The following MMP26 variants were observed in gnomAD, a reference collection of about 807,000 sequenced individuals.
The protein encoded by MMP26 is matrix metalloproteinase-26.
A neutral mutation model predicts 31.0 loss-of-function variants in MMP26; 33 were observed. The observed-to-expected ratio is 1.06, with a 90% CI of 0.81 to 1.42. MMP26 has a LOEUF of 1.42. MMP26 is among the 40% of genes most tolerant of loss of function. MMP26 has a pLI of 0.00. For missense variants in MMP26, 347 were observed against 316.1 expected, an observed-to-expected ratio of 1.10 and a Z score of -0.74; for synonymous variants, 122 against 114.9, an observed-to-expected ratio of 1.06 and a Z score of -0.40.
chr11:4,813,073 A>T (rs532555144), intron 2 of MMP26, among the ~76,000 whole-genome samples: 8 of 151,848 alleles, frequency 5.3e-5, no homozygotes, highest in Non-Finnish European at 4.4e-5. Flanking sequence ...GTACATTTTA[A>T]TCCATTGTTC....
At chr11:4,928,940 T>C (rs765945328) in intron 2 of MMP26, among the ~76,000 whole-genome samples, 1 of 152,154 alleles carries the variant, frequency 6.6e-6, no homozygotes, top group African/African-American at 2.4e-5. Flanking sequence ...AGGATGCAGA[T>C]GTAGCTAACT....
At position 4,768,380 on chromosome 11, in the gene MMP26, C is replaced by T. The variant is rs576790878; in HGVS notation, c.-145+1039C>T. Among the ~76,000 whole-genome samples the T allele has an allele frequency of 2.6e-5, 4 of 152,300 alleles. No individual in the cohort carries two copies. In the East Asian group the frequency reaches 7.7e-4, roughly 29 times the overall value. ...TATGAATTATCCATGAAGAAAACAG[C>T]TAGAGTATATTCTAAGAAGGTTACT... On this transcript the variant is annotated intron_variant, in intron 2 of 7. Transcript: ENST00000380390.
chr11:4,801,216 G>A (rs1299462179), intron 2 of MMP26, among the ~76,000 whole-genome samples: 1 of 152,142 alleles, frequency 6.6e-6, no homozygotes, highest in Non-Finnish European at 1.5e-5. Context: ...CAGTTCCAAA[G>A]CAGCTTCCAC....
At chr11:4,816,411 T>C (rs1293112943) in intron 2 of MMP26, among the ~76,000 whole-genome samples, 2 of 152,194 alleles carry the variant, frequency 1.3e-5, no homozygotes, top group Admixed American at 6.5e-5. Context: ...GTTTCTTTAT[T>C]GGTTTTCTGT....
chr11:4,845,832 A>G (rs1166595376), intron 2 of MMP26, among the ~76,000 whole-genome samples: 19 of 152,242 alleles, frequency 1.2e-4, no homozygotes, highest in Admixed American at 1.2e-3. Context: ...ACAAACAGGC[A>G]TCTGTAAAAG....
intron 2 of MMP26, among the ~76,000 whole-genome samples, chr11:4,977,232 G>A (rs1446638751): frequency 6.6e-6 from 1 of 152,034 alleles, no homozygotes; most frequent in African/African-American, 2.4e-5. Flanking sequence ...GAAGTTTATT[G>A]GGAGTGTTTC....
chr11:4,738,312 G>A (rs1364972177), intron 1 of MMP26, among the ~76,000 whole-genome samples: 2 of 152,140 alleles, frequency 1.3e-5, no homozygotes, highest in African/African-American at 4.8e-5. Flanking sequence ...GTGCAGATGT[G>A]GGCATTAGAG....
intron 2 of MMP26, among the ~76,000 whole-genome samples, chr11:4,874,724 A>G (rs1850356901): frequency 6.6e-6 from 1 of 152,078 alleles, no homozygotes. Flanking sequence ...TGAAAAGGTG[A>G]TTAGCTCAGC....
At chr11:4,776,117 C>A (rs1848788187) in intron 2 of MMP26, among the ~76,000 whole-genome samples, 1 of 152,066 alleles carries the variant, frequency 6.6e-6, no homozygotes, top group Non-Finnish European at 1.5e-5. Context: ...TGCTTCAAAA[C>A]ACAGAGTTTT....
At chr11:4,811,587 C>T (rs1216459682) in intron 2 of MMP26, among the ~76,000 whole-genome samples, 1 of 152,020 alleles carries the variant, frequency 6.6e-6, no homozygotes, top group Non-Finnish European at 1.5e-5. Context: ...TTGTTTATTT[C>T]CTTTATCTTC....
chr11:4,706,429 G>A (rs529089160), intron 1 of MMP26, among the ~76,000 whole-genome samples: 2 of 151,772 alleles, frequency 1.3e-5, no homozygotes, highest in South Asian at 4.2e-4. Flanking sequence ...AGGCATGATG[G>A]TGTGTGCCTG....
chr11:4,970,675 T>C (rs1846653770), intron 2 of MMP26, among the ~76,000 whole-genome samples: 1 of 152,162 alleles, frequency 6.6e-6, no homozygotes, highest in African/African-American at 2.4e-5. Context: ...TGGTATTAAG[T>C]AAGGTTGTTT....
intron 2 of MMP26, among the ~76,000 whole-genome samples, chr11:4,862,379 T>A (rs1299489670): frequency 6.6e-6 from 1 of 152,200 alleles, no homozygotes; most frequent in East Asian, 1.9e-4. Context: ...ATTAGTGCAA[T>A]GAAGACATAA....
At chr11:4,906,118 C>A (rs1850884216) in intron 2 of MMP26, among the ~76,000 whole-genome samples, 1 of 152,032 alleles carries the variant, frequency 6.6e-6, no homozygotes, top group African/African-American at 2.4e-5. Flanking sequence ...AAAATGGTAG[C>A]CTGAAGTGTG....
At chr11:4,896,495 C>T (rs1439741324) in intron 2 of MMP26, among the ~76,000 whole-genome samples, 1 of 152,190 alleles carries the variant, frequency 6.6e-6, no homozygotes, top group East Asian at 1.9e-4. Context: ...TCCCACAAGG[C>T]ATTGCTATGG....
intron 2 of MMP26, among the ~76,000 whole-genome samples, chr11:4,963,861 G>A (rs779963597): frequency 6.6e-6 from 1 of 152,154 alleles, no homozygotes. Context: ...TTTCTCTAAT[G>A]ATCAGTGAGG....
At chr11:4,730,200 T>C (rs1399657161) in intron 1 of MMP26, among the ~76,000 whole-genome samples, 1 of 152,130 alleles carries the variant, frequency 6.6e-6, no homozygotes, top group Non-Finnish European at 1.5e-5. Context: ...ATATGGGACA[T>C]ACGAGGTGCC....
intron 2 of MMP26, among the ~76,000 whole-genome samples, chr11:4,892,022 G>C (rs1850631863): frequency 6.6e-6 from 1 of 151,954 alleles, no homozygotes; most frequent in Non-Finnish European, 1.5e-5. Context: ...CAATGAGGCT[G>C]CAAGACATAT....
chr11:4,802,553 G>A (rs1897739), intron 2 of MMP26, among the ~76,000 whole-genome samples: 13,515 of 152,072 alleles, frequency 0.089, 810 homozygotes, highest in Middle Eastern at 0.15. Context: ...ACCTGCAAAA[G>A]CCATCTTGTG....
Sources: allele counts gnomAD v4.1 joint callset (sites outside exome capture counted in the v4.1 genomes callset), GRCh38; gene constraint gnomAD v4.1.1; transcripts MANE v1.5; gene names NCBI Gene and HGNC (gene_info 2026-07-23, HGNC 2026-07-21).